CD99L2: variants seen among roughly 807,000 people sequenced by gnomAD.
CD99L2 encodes the protein CD99 molecule like 2.
In CD99L2, 24 loss-of-function variants were observed where a neutral mutation model predicts 27.3. The ratio of observed to expected loss-of-function variants is 0.88; its 90% CI spans 0.64 to 1.24. The LOEUF (loss-of-function observed/expected upper bound fraction) is 1.24. Ranked by LOEUF, CD99L2 falls within the 50% of genes most tolerant of loss-of-function variation. The probability of loss-of-function intolerance (pLI) is 0.00; values close to 1 mark genes in which losing one functional copy is unlikely to be tolerated. For missense variants in CD99L2, 255 were observed against 221.6 expected (o/e 1.15, Z -0.96); for synonymous variants, 97 against 87.9 (o/e 1.10, Z -0.58).
At chrX:150,802,880 CTTTTTTTTTTTTT>C (rs34693200) in intron 4 of CD99L2, among the ~76,000 whole-genome samples, 247 of 20,815 alleles carry the variant, frequency 0.012, 7 homozygotes, top group East Asian at 0.074. Flanking sequence ...CGTGCCCAGC[CTTTTTTTTTTTTT>C]TTTTTTTTTT....
At chrX:150,802,745 C>T (rs1399398684) in intron 4 of CD99L2, among the ~76,000 whole-genome samples, 1 of 104,176 alleles carries the variant, frequency 9.6e-6, no homozygotes, top group Non-Finnish European at 2.0e-5. Context: ...CCACGCCCAG[C>T]TAATTTTTTG....
At chrX:150,783,671 C>G (rs2045550310) in intron 7 of CD99L2, among the ~76,000 whole-genome samples, 1 of 111,902 alleles carries the variant, frequency 8.9e-6, no homozygotes, top group Admixed American at 9.4e-5. Context: ...GTGTTTCAGC[C>G]CTGTGAACCC....
chrX:150,835,983 G>A (rs782464060), intron 1 of CD99L2, among the ~76,000 whole-genome samples: 1 of 111,304 alleles, frequency 9.0e-6, no homozygotes, highest in East Asian at 2.8e-4. Flanking sequence ...ACCCCACCTA[G>A]ACTAGAGGCT....
At chrX:150,806,022 A>AAC (rs782040383) in intron 4 of CD99L2, among the ~76,000 whole-genome samples, 18 of 111,455 alleles carry the variant, frequency 1.6e-4, no homozygotes, top group East Asian at 5.6e-4. Flanking sequence ...CATAGAAGTA[A>AAC]ACACACACAC....
At position 150,831,098 on chromosome X, in the gene CD99L2, C is replaced by T. The variant is rs782086562; in HGVS notation, c.130+133G>A. ...TGCTGGGATTACAGGCGTGAGCTACCGTGTCCGGGCACTATCCATATTTCA... is the reference window on the plus strand; with the variant it reads ...TGCTGGGATTACAGGCGTGAGCTACTGTGTCCGGGCACTATCCATATTTCA... On this transcript the variant is annotated intron_variant, in intron 2 of 10. Transcript: ENST00000370377. 8.3e-5 allele frequency: 44 copies of T among 527,788 alleles called. No homozygotes were observed. In the East Asian group the frequency reaches 1.1e-3, roughly 13 times the overall value. The allele number at this position is 527,788 out of a possible 1,213,427, so 43.5% of individuals were successfully genotyped here.
intron 1 of CD99L2, among the ~76,000 whole-genome samples, chrX:150,892,860 G>A (rs377390818): frequency 3.6e-5 from 4 of 111,232 alleles, no homozygotes; most frequent in East Asian, 5.7e-4. Context: ...GGTGGTTCAC[G>A]CCTGTAATCC....
At chrX:150,777,613 CACCCGTAGGCTTCT>C in intron 7 of CD99L2, 131 bp from the exon 8 acceptor site, 1 of 639,768 alleles carries the variant, frequency 1.6e-6, no homozygotes, top group Admixed American at 3.1e-5. Flanking sequence ...ACCAGTGGAT[CACCCGTAGGCTTCT>C]ACTGGACTGC....
chrX:150,882,328 C>T (rs1260120995), intron 1 of CD99L2, among the ~76,000 whole-genome samples: 1 of 112,280 alleles, frequency 8.9e-6, no homozygotes, highest in East Asian at 2.8e-4. Flanking sequence ...CCCTCCCACC[C>T]TGTAACTAGA....
chrX:150,869,152 T>C (rs181616203), intron 1 of CD99L2, among the ~76,000 whole-genome samples: 1 of 111,985 alleles, frequency 8.9e-6, no homozygotes, highest in African/African-American at 3.2e-5. Context: ...AGGTTCTGTA[T>C]CCAGCCTAAG....
chrX:150,826,368 T>A (rs2046367622), intron 2 of CD99L2, among the ~76,000 whole-genome samples: 1 of 111,950 alleles, frequency 8.9e-6, no homozygotes, highest in Non-Finnish European at 1.9e-5. Context: ...CAGAAGTGTG[T>A]TCCCCCATGA....
Position 150,780,241 on chromosome X carries a change from T to C in CD99L2, c.497-2759A>G, listed in dbSNP as rs190944548. ...CATCTCATATCCACTAGGATAACTA[T>C]AATCCAAAAAAAGAAAAAGGAAAGA... On this transcript the variant is annotated intron_variant, in intron 7 of 10. Coordinates refer to ENST00000370377, the MANE Select transcript of CD99L2 (RefSeq NM_031462.4). Among the ~76,000 whole-genome samples the C allele has an allele frequency of 2.1e-3, 232 of 110,594 alleles. 1 individual carries two copies. The highest frequency in any genetic ancestry group is 7.4e-3 in the African/African-American group (224 of 30,419).
At chrX:150,825,946 T>C (rs1309807864) in intron 2 of CD99L2, among the ~76,000 whole-genome samples, 2 of 111,880 alleles carry the variant, frequency 1.8e-5, no homozygotes, top group Middle Eastern at 4.6e-3. Flanking sequence ...TGAATGTATA[T>C]GTCCCCCGCA....
intron 6 of CD99L2, among the ~76,000 whole-genome samples, 186 bp downstream of exon 6, chrX:150,795,020 A>G (rs1241732392): frequency 8.9e-6 from 1 of 112,469 alleles, no homozygotes; most frequent in African/African-American, 3.2e-5. Flanking sequence ...AACGTGACCC[A>G]CATAAGCAAA....
chrX:150,845,217 A>G (rs1372432533), intron 1 of CD99L2, among the ~76,000 whole-genome samples: 1 of 111,656 alleles, frequency 9.0e-6, no homozygotes, highest in Non-Finnish European at 1.9e-5. Context: ...GCTGAGAGCT[A>G]GGGAACTACT....
intron 1 of CD99L2, among the ~76,000 whole-genome samples, chrX:150,888,607 T>C (rs1332301034): frequency 8.9e-6 from 1 of 112,238 alleles, no homozygotes; most frequent in Admixed American, 9.5e-5. Flanking sequence ...ATGGTAAATG[T>C]TATGTGTATT....
chrX:150,769,662 T>C (rs782061046), intron 10 of CD99L2, among the ~76,000 whole-genome samples: 14 of 108,671 alleles, frequency 1.3e-4, no homozygotes, highest in African/African-American at 2.0e-4. Flanking sequence ...GCCTGAGCTG[T>C]CCTAGTCTCC....
At chrX:150,777,890 G>C (rs782292977) in intron 7 of CD99L2, among the ~76,000 whole-genome samples, 1 of 112,291 alleles carries the variant, frequency 8.9e-6, no homozygotes, top group Non-Finnish European at 1.9e-5. Context: ...GGTCTCTGAC[G>C]TAGCCACTGC....
intron 1 of CD99L2, among the ~76,000 whole-genome samples, chrX:150,841,462 A>G (rs944335650): frequency 7.2e-5 from 8 of 111,632 alleles, no homozygotes; most frequent in Middle Eastern, 9.3e-3. Context: ...TTTTGTTTTC[A>G]ATCCATGTAC....
chrX:150,791,383 C>T (rs2045685331), intron 7 of CD99L2, among the ~76,000 whole-genome samples: 1 of 111,187 alleles, frequency 9.0e-6, no homozygotes, highest in Non-Finnish European at 1.9e-5. Flanking sequence ...AATTGGACAC[C>T]AAGGAAATAA....
Sources: allele counts gnomAD v4.1 joint callset (sites outside exome capture counted in the v4.1 genomes callset), GRCh38; gene constraint gnomAD v4.1.1; transcripts MANE v1.5; gene names NCBI Gene and HGNC (gene_info 2026-07-23, HGNC 2026-07-21).